THOC7: variants seen among roughly 807,000 people sequenced by gnomAD.
THOC7 encodes NIF3L1-binding protein 1.
THOC7 carries 22 observed loss-of-function variants against 33.1 expected under a neutral mutation model. The ratio of observed to expected loss-of-function variants is 0.66; its 90% CI spans 0.47 to 0.95. The LOEUF (loss-of-function observed/expected upper bound fraction) is 0.95, where lower values mean the gene tolerates loss of function less well. THOC7 is among the 40% of genes least tolerant of loss of function. The pLI is 0.00. For synonymous variants in THOC7, 77 were observed against 76.8 expected (o/e 1.00, Z -0.01); for missense variants, 184 against 245.3 (o/e 0.75, Z 1.67).
At chr3:63,853,256 G>T (rs555029608) in intron 1 of THOC7, among the ~76,000 whole-genome samples, 39 of 152,128 alleles carry the variant, frequency 2.6e-4, no homozygotes, top group Admixed American at 2.6e-3. Context: ...GCCAACATTG[G>T]GGTGGCACAA....
At chr3:63,862,473 C>G (rs1299403639) in intron 1 of THOC7, among the ~76,000 whole-genome samples, 1 of 152,152 alleles carries the variant, frequency 6.6e-6, no homozygotes, top group Non-Finnish European at 1.5e-5. Flanking sequence ...GGGAAAAGTT[C>G]TTGCTTGTTA....
Position 63,838,499 on chromosome 3 carries a change from T to C in THOC7, c.138A>G (p.Gly46=), listed in dbSNP as rs201528327. The part of the protein sequence containing the change: ...KWCNSGSQEE[G]YSQYQRMLST... ...TCAGCATACGTTGGTACTGGCTATATCTAATGAAAAAGAAAGAAAACCAAA... is the reference window on the plus strand; with the variant it reads ...TCAGCATACGTTGGTACTGGCTATACCTAATGAAAAAGAAAGAAAACCAAA... The change falls in exon 3 of 8, where the codon GGA becomes GGG. Residue 46 remains glycine (G), a splice_region_variant and synonymous_variant. Coordinates refer to ENST00000295899, the MANE Select transcript of THOC7 (RefSeq NM_025075.4). 1 of 1,584,100 alleles carries C rather than the reference T, an allele frequency of 6.3e-7. No homozygotes were observed. The highest frequency in any genetic ancestry group is 2.0e-5 in the Admixed American group (1 of 50,520).
chr3:63,843,816 G>T (rs1393513661), intron 1 of THOC7, among the ~76,000 whole-genome samples: 2 of 152,060 alleles, frequency 1.3e-5, no homozygotes, highest in African/African-American at 4.8e-5. Context: ...CAGGAGAATG[G>T]CGTGAACCCG....
At chr3:63,855,143 C>T (rs1289058843) in intron 1 of THOC7, among the ~76,000 whole-genome samples, 1 of 152,092 alleles carries the variant, frequency 6.6e-6, no homozygotes, top group Non-Finnish European at 1.5e-5. Context: ...CATCAAAATG[C>T]CTCATATCCA....
In THOC7 at chr3:63,839,894, G is replaced by A. The variant is rs900196679; in HGVS notation, c.20-121C>T. 134 of 751,222 alleles carry A rather than the reference G, an allele frequency of 1.8e-4. 1 individual carries two copies. The highest frequency in any genetic ancestry group is 1.1e-3 in the Admixed American group (44 of 39,068). The allele number at this position is 751,222 out of a possible 1,614,324, so 46.5% of individuals were successfully genotyped here. On this transcript the variant is annotated intron_variant, in intron 1 of 7. Coordinates refer to ENST00000295899, the MANE Select transcript of THOC7 (RefSeq NM_025075.4). ...TTATTGAAATGTAAATGCATTTAATGCCACTGAACTGTACACTTAAAAATG... is the reference window on the plus strand; with the variant it reads ...TTATTGAAATGTAAATGCATTTAATACCACTGAACTGTACACTTAAAAATG...
chr3:63,845,122 CTCCT>C, intron 1 of THOC7: 1 of 678,276 alleles, frequency 1.5e-6, no homozygotes, highest in Non-Finnish European at 2.7e-6. Context: ...GGGGTACTAT[CTCCT>C]TCATGTAGCC....
At chr3:63,845,048 G>A (rs763609262) in intron 1 of THOC7, 1 of 700,112 alleles carries the variant, frequency 1.4e-6, no homozygotes, top group South Asian at 1.5e-5. Context: ...CCTGGAGACA[G>A]CTGACCTGAG....
chr3:63,858,391 C>T (rs1010614590), intron 1 of THOC7, among the ~76,000 whole-genome samples: 3 of 152,106 alleles, frequency 2.0e-5, no homozygotes, highest in African/African-American at 7.2e-5. Flanking sequence ...TCATATTATT[C>T]GTAGGCATAT....
chr3:63,849,686 G>A (rs996404225), intron 1 of THOC7, among the ~76,000 whole-genome samples: 3 of 152,184 alleles, frequency 2.0e-5, no homozygotes, highest in African/African-American at 7.2e-5. Context: ...GAGGGTGAAT[G>A]TAGAGAAAAA....
chr3:63,846,611 T>C (rs933361855), intron 1 of THOC7, among the ~76,000 whole-genome samples: 1 of 152,106 alleles, frequency 6.6e-6, no homozygotes, highest in Non-Finnish European at 1.5e-5. Flanking sequence ...GGTTTTACCA[T>C]GTTGGCCAGG....
intron 6 of THOC7, 21 bp from the exon 7 acceptor site, chr3:63,835,244 T>C: frequency 6.2e-7 from 1 of 1,613,212 alleles, no homozygotes. Context: ...AAGAAAAAAA[T>C]TTATACAAAT....
chr3:63,858,476 C>T (rs1181459441), intron 1 of THOC7, among the ~76,000 whole-genome samples: 1 of 151,994 alleles, frequency 6.6e-6, no homozygotes, highest in Non-Finnish European at 1.5e-5. Flanking sequence ...AAAAAAGCTA[C>T]CGTCAAAACC....
At chr3:63,837,782 A>T (rs1701664426) in intron 4 of THOC7, among the ~76,000 whole-genome samples, 194 bp downstream of exon 4, 1 of 152,118 alleles carries the variant, frequency 6.6e-6, no homozygotes, top group South Asian at 2.1e-4. Context: ...AATGTAATCC[A>T]GCAAAAACAT....
rs1206146152 is a variant in THOC7 at position 63,835,158 on chromosome 3, C to A, written c.543G>T (p.Leu181Phe). The A allele has an allele frequency of 6.2e-7, 1 of 1,613,256 alleles. No individual in the cohort carries two copies. Residue 181 changes from leucine to phenylalanine, a missense_variant, in exon 7 of 8, where the codon TTG (leucine) becomes TTT (phenylalanine). Around this residue, in one of 3 missense-constraint regions of THOC7, gnomAD observed 25 missense variants for 26.5 expected, o/e 0.94. Coordinates refer to ENST00000295899, the MANE Select transcript of THOC7 (RefSeq NM_025075.4). Reference protein sequence around the residue: ...LSTIHELQQTLENDEKLSEVE... With the variant: ...LSTIHELQQTFENDEKLSEVE... ...TTTGAGACTATTTCTACTTACTTTC[C>A]AATGTTTGCTGAAGTTCATGGATGG... is the stretch of plus-strand genomic sequence containing the variant.
intron 1 of THOC7, among the ~76,000 whole-genome samples, chr3:63,857,700 C>T (rs1293999685): frequency 6.6e-6 from 1 of 152,160 alleles, no homozygotes; most frequent in Non-Finnish European, 1.5e-5. Flanking sequence ...AGATATTAAC[C>T]TCTCCTAAGA....
At position 63,836,386 on chromosome 3, in the gene THOC7, C is replaced by A. The variant is rs777644775; in HGVS notation, c.353-28G>T. 3.1e-5 allele frequency: 50 copies of A among 1,605,580 alleles called. 1 individual carries two copies. The East Asian group carries it at 6.5e-4, about 21-fold the overall frequency. On this transcript the variant is annotated intron_variant, in intron 4 of 7. Coordinates refer to ENST00000295899, the MANE Select transcript of THOC7 (RefSeq NM_025075.4). ...GTAAGACATAAAAATATTTATCAAA[C>A]TAAGGATTTTTTGAATGTGAATTAT...
At chr3:63,835,498 C>G in intron 5 of THOC7, 108 bp from the exon 6 acceptor site, 1 of 977,860 alleles carries the variant, frequency 1.0e-6, no homozygotes, top group Non-Finnish European at 1.5e-6. Flanking sequence ...AAAAAAAGGG[C>G]TTATAAGGAG....
chr3:63,837,361 A>T (rs1701657023), intron 4 of THOC7, among the ~76,000 whole-genome samples: 2 of 151,954 alleles, frequency 1.3e-5, no homozygotes, highest in African/African-American at 4.8e-5. Flanking sequence ...ACTTTTCTTC[A>T]ATTTACATTA....
chr3:63,858,702 C>T (rs1575816432), intron 1 of THOC7, among the ~76,000 whole-genome samples: 1 of 152,200 alleles, frequency 6.6e-6, no homozygotes, highest in East Asian at 1.9e-4. Context: ...TTAACAGTGA[C>T]AACATCCACA....
Sources: gnomAD v4.1 joint callset for allele counts (sites outside exome capture counted in the v4.1 genomes callset) on GRCh38, gnomAD v4.1.1 for gene constraint, gnomAD v4.1.1 regional missense constraint, MANE v1.5 for transcripts, NCBI Gene and HGNC (gene_info 2026-07-23, HGNC 2026-07-21) for gene names.